EPB41L4A: variants seen among roughly 807,000 people sequenced by gnomAD.
EPB41L4A encodes the protein erythrocyte membrane protein band 4.1 like 4A, also known as band 4.1-like protein 4A.
In EPB41L4A, 100 loss-of-function variants were observed where a neutral mutation model predicts 108.6. The observed-to-expected ratio is 0.92, with a 90% CI of 0.78 to 1.09. The LOEUF (loss-of-function observed/expected upper bound fraction) is 1.09, where lower values mean the gene tolerates loss of function less well. Among genes scored for constraint, EPB41L4A ranks in the 50% least tolerant of loss-of-function variants. EPB41L4A has a pLI of 0.00. For synonymous variants in EPB41L4A, 319 were observed against 289.0 expected, an observed-to-expected ratio of 1.10 and a Z score of -1.05; for missense variants, 1,030 against 842.7, an observed-to-expected ratio of 1.22 and a Z score of -2.75.
At chr5:112,419,840 T>C, upstream of EPB41L4A, 1 of 456,732 alleles carries the variant, frequency 2.2e-6, no homozygotes, top group Non-Finnish European at 4.4e-6. Context: ...GGTGGCCGTG[T>C]GTAGCCAAGT....
chr5:112,206,575 C>A (rs923573933), intron 13 of EPB41L4A, among the ~76,000 whole-genome samples: 1 of 151,838 alleles, frequency 6.6e-6, no homozygotes, highest in Non-Finnish European at 1.5e-5. Context: ...ACAAATATGG[C>A]AGATATTTAA....
In EPB41L4A at chr5:112,239,719, G is replaced by A. The variant is rs2150379158; in HGVS notation, c.906C>T (p.Ser302=). The A allele has an allele frequency of 6.2e-7, 1 of 1,608,142 alleles. No homozygotes were observed. The highest frequency in any genetic ancestry group is 8.5e-7 in the Non-Finnish European group (1 of 1,176,984). The part of the protein sequence containing the change: ...HTFFRMPENE[S]NSLSRKLSKF... ...TGCTGAGTTTTCTTGACAGTGAATT[G>A]GATTCATTTTCTGGCATTCTAATCA... Residue 302 remains serine (S), a synonymous_variant, in exon 11 of 23, where the codon TCC becomes TCT. Transcript: ENST00000261486.
At chr5:112,233,804 A>C (rs1749131492) in intron 12 of EPB41L4A, among the ~76,000 whole-genome samples, 1 of 152,056 alleles carries the variant, frequency 6.6e-6, no homozygotes, top group South Asian at 2.1e-4. Context: ...GAAATTACTC[A>C]GTTTAGCATT....
chr5:112,389,663 C>G (rs1353745940), intron 1 of EPB41L4A, among the ~76,000 whole-genome samples: 4 of 152,010 alleles, frequency 2.6e-5, no homozygotes, highest in Admixed American at 2.0e-4. Context: ...AGCTTTTTTT[C>G]CCGTCTATAA....
chr5:112,343,571 C>T (rs1430293746), intron 1 of EPB41L4A, among the ~76,000 whole-genome samples: 1 of 152,084 alleles, frequency 6.6e-6, no homozygotes, highest in Non-Finnish European at 1.5e-5. Flanking sequence ...ACGTTCACCA[C>T]CACTGTCTTC....
intron 6 of EPB41L4A, among the ~76,000 whole-genome samples, chr5:112,263,169 A>G (rs1751613029): frequency 6.6e-6 from 1 of 152,236 alleles, no homozygotes; most frequent in Admixed American, 6.5e-5. Context: ...AGAAAACAGC[A>G]TTCATTCCTG....
intron 1 of EPB41L4A, among the ~76,000 whole-genome samples, chr5:112,347,618 C>T (rs1034409370): frequency 1.3e-5 from 2 of 152,188 alleles, no homozygotes; most frequent in African/African-American, 2.4e-5. Flanking sequence ...ATTATTCACC[C>T]GGTAACAGAA....
intron 2 of EPB41L4A, among the ~76,000 whole-genome samples, chr5:112,300,270 C>T (rs1347740722): frequency 2.0e-5 from 3 of 152,156 alleles, no homozygotes; most frequent in South Asian, 4.2e-4. Flanking sequence ...TAAGGAAGTT[C>T]TGTTACTGAT....
chr5:112,355,109 A>C (rs927931091), intron 1 of EPB41L4A, among the ~76,000 whole-genome samples: 2 of 152,212 alleles, frequency 1.3e-5, no homozygotes, highest in East Asian at 3.9e-4. Flanking sequence ...ACATAAAGAC[A>C]TGAACACAGA....
intron 9 of EPB41L4A, among the ~76,000 whole-genome samples, chr5:112,258,136 T>G (rs1209954312): frequency 6.6e-6 from 1 of 152,254 alleles, no homozygotes; most frequent in Non-Finnish European, 1.5e-5. Flanking sequence ...AATGGCAGCA[T>G]GCCATATAGT....
intron 12 of EPB41L4A, among the ~76,000 whole-genome samples, chr5:112,214,720 C>G (rs1432102595): frequency 1.3e-5 from 2 of 151,910 alleles, no homozygotes; most frequent in African/African-American, 4.8e-5. Context: ...GAGTGGAGAT[C>G]GCGCCACTGC....
chr5:112,347,915 C>T (rs1303864044), intron 1 of EPB41L4A, among the ~76,000 whole-genome samples: 1 of 152,186 alleles, frequency 6.6e-6, no homozygotes, highest in Non-Finnish European at 1.5e-5. Context: ...CAGATCCATC[C>T]TCCCAGGACC....
chr5:112,230,109 C>G (rs913207689), intron 12 of EPB41L4A, among the ~76,000 whole-genome samples: 7 of 151,962 alleles, frequency 4.6e-5, no homozygotes, highest in Admixed American at 2.0e-4. Flanking sequence ...ATAAACACCA[C>G]TTTTCTTTAT....
intron 18 of EPB41L4A, among the ~76,000 whole-genome samples, chr5:112,182,816 G>A (rs575654116): frequency 1.6e-5 from 1 of 63,246 alleles, no homozygotes; most frequent in South Asian, 9.7e-4. Flanking sequence ...GTTGGGGGAA[G>A]GTGCTATCTC....
chr5:112,203,213 G>A (rs746754659), intron 15 of EPB41L4A, among the ~76,000 whole-genome samples: 23 of 151,960 alleles, frequency 1.5e-4, no homozygotes, highest in Non-Finnish European at 1.6e-4. Context: ...AAAATTAGCC[G>A]GGCCTGATGG....
chr5:112,278,737 A>G (rs1752767122), intron 3 of EPB41L4A, among the ~76,000 whole-genome samples: 1 of 151,896 alleles, frequency 6.6e-6, no homozygotes, highest in African/African-American at 2.4e-5. Context: ...AACTTTTCCT[A>G]TAAAAGAAAC....
At chr5:112,158,752 C>T (rs554641791), downstream of EPB41L4A, among the ~76,000 whole-genome samples, 1 of 152,200 alleles carries the variant, frequency 6.6e-6, no homozygotes, top group African/African-American at 2.4e-5. Context: ...ACTCACTCAC[C>T]ATCACGAAAA....
At chr5:112,187,617 T>C (rs1761490897) in intron 17 of EPB41L4A, among the ~76,000 whole-genome samples, 1 of 152,216 alleles carries the variant, frequency 6.6e-6, no homozygotes, top group African/African-American at 2.4e-5. Context: ...TAGCCTCTTC[T>C]TTCCTGTCTT....
chr5:112,356,487 T>A (rs1758367358), intron 1 of EPB41L4A, among the ~76,000 whole-genome samples: 1 of 152,240 alleles, frequency 6.6e-6, no homozygotes, highest in Non-Finnish European at 1.5e-5. Flanking sequence ...CTAGAGCGAA[T>A]CTAGCCTCTA....
Sources: allele counts gnomAD v4.1 joint callset (sites outside exome capture counted in the v4.1 genomes callset), GRCh38; gene constraint gnomAD v4.1.1; transcripts MANE v1.5; gene names NCBI Gene and HGNC (gene_info 2026-07-23, HGNC 2026-07-21).